The following AHI1 variants were observed in gnomAD, a reference collection of about 807,000 sequenced individuals.
The protein encoded by AHI1 is jouberin.
In AHI1, 123 loss-of-function variants were observed where a neutral mutation model predicts 149.3. The observed-to-expected ratio is 0.82, with a 90% confidence interval of 0.71 to 0.96. The LOEUF is 0.96. AHI1 is among the 40% of genes least tolerant of loss of function. AHI1 has a pLI of 0.00. For synonymous variants in AHI1, 475 were observed against 459.8 expected (o/e 1.03, Z -0.42); for missense variants, 1,439 against 1,422.7 (o/e 1.01, Z -0.18).
intron 5 of AHI1, among the ~76,000 whole-genome samples, chr6:135,478,041 T>C (rs890249294): frequency 5.3e-5 from 8 of 152,152 alleles, no homozygotes; most frequent in African/African-American, 1.7e-4. Context: ...CCTCAGGTGA[T>C]CTGCCCACCT....
chr6:135,434,895 G>A (rs56390943), intron 15 of AHI1, among the ~76,000 whole-genome samples: 7,484 of 152,168 alleles, frequency 0.049, 536 homozygotes, highest in African/African-American at 0.16. Flanking sequence ...CTCTCTGACT[G>A]TATTAGAAGT....
intron 23 of AHI1, among the ~76,000 whole-genome samples, chr6:135,382,895 A>G (rs1341307004): frequency 3.9e-5 from 1 of 25,524 alleles, no homozygotes; most frequent in Non-Finnish European, 6.7e-5. Context: ...CAAAATTAGT[A>G]AAAAAAAAAA....
intron 26 of AHI1, among the ~76,000 whole-genome samples, chr6:135,307,561 A>C (rs1784662514): frequency 6.6e-6 from 1 of 152,056 alleles, no homozygotes; most frequent in Admixed American, 6.5e-5. Context: ...TACAGCTCAT[A>C]TACAACTACT....
At position 135,404,936 on chromosome 6, in the gene AHI1, A is replaced by G; in HGVS notation, c.2988+15T>C. 3 of 1,606,988 alleles carry G rather than the reference A, an allele frequency of 1.9e-6. No individual in the cohort carries two copies. Among genetic ancestry groups the G allele is most frequent in the Non-Finnish European group, 2.6e-6 (3 of 1,174,124 alleles). On this transcript the variant is annotated intron_variant, in intron 22 of 28. Coordinates refer to ENST00000265602, the MANE Select transcript of AHI1 (RefSeq NM_001134831.2). ...TACCTTTGAAGTTATCTTCCTGGTA[A>G]TAAAAACTACTTACTTTTGCAGCAC...
chr6:135,490,650 T>C lies in AHI1; in HGVS notation c.108A>G (p.Lys36=), dbSNP rs755465958. The change falls in exon 5 of 29, where the codon AAA becomes AAG. Residue 36 remains lysine, a synonymous_variant. Coordinates refer to ENST00000265602, the MANE Select transcript of AHI1 (RefSeq NM_001134831.2). ...AGATGTTTTCTTCAGACCTGACAAG[T>C]TTTTTCTTCAGTTTTTTCTTTTCAC... ...LMREKKKLKK[K]LVRSEENISP... is the part of the protein sequence containing the mutation. 3.7e-6 allele frequency: 6 copies of C among 1,613,510 alleles called. No individual in the cohort carries two copies. In the Admixed American group the frequency reaches 6.7e-5, roughly 18 times the overall value.
In AHI1 at chr6:135,492,191, A is replaced by G. The variant is rs577983031; in HGVS notation, c.10+37T>C. ...CCAAACTTAAAAGTAAATGTATAAA[A>G]TATAAATTTTATACATAAATTTCAT... On this transcript the variant is annotated intron_variant, in intron 4 of 28. Coordinates refer to ENST00000265602, the MANE Select transcript of AHI1 (RefSeq NM_001134831.2). The G allele has an allele frequency of 2.4e-4, 353 of 1,447,096 alleles. 4 individuals are homozygous for G. The South Asian group carries it at 4.7e-3, about 19-fold the overall frequency. 89.6% of individuals were successfully genotyped at this position (1,447,096 alleles called of 1,614,324 possible). A position where few individuals can be genotyped will look rare whatever the true frequency, so the allele number is the denominator to read the frequency against.
At chr6:135,472,729 A>G (rs1257499786) in intron 5 of AHI1, among the ~76,000 whole-genome samples, 1 of 152,068 alleles carries the variant, frequency 6.6e-6, no homozygotes, top group Non-Finnish European at 1.5e-5. Flanking sequence ...TTTAAACTGC[A>G]TTTTCCTAAT....
At chr6:135,495,292 A>C (rs1354954408) in intron 3 of AHI1, 1 of 152,180 alleles carries the variant, frequency 6.6e-6, no homozygotes, top group Non-Finnish European at 1.5e-5. Flanking sequence ...TCGCACATTG[A>C]AAAAAATATC....
intron 23 of AHI1, among the ~76,000 whole-genome samples, chr6:135,369,945 T>A (rs1451179100): frequency 6.6e-6 from 1 of 152,214 alleles, no homozygotes; most frequent in African/African-American, 2.4e-5. Context: ...TCCTCATAAG[T>A]TATTTAACAT....
intron 11 of AHI1, among the ~76,000 whole-genome samples, chr6:135,448,957 AT>A (rs530474490): frequency 6.6e-6 from 1 of 152,120 alleles, no homozygotes; most frequent in Non-Finnish European, 1.5e-5. Context: ...CATTCGTTAC[AT>A]TTTTTTCAGT....
intron 23 of AHI1, among the ~76,000 whole-genome samples, chr6:135,389,743 A>ATC (rs774115658): frequency 1.3e-5 from 2 of 152,234 alleles, no homozygotes; most frequent in Non-Finnish European, 2.9e-5. Flanking sequence ...ATGCTGTGAA[A>ATC]ATATATACAA....
chr6:135,447,010 GC>G lies in AHI1; in HGVS notation c.1776del (p.Gln593ArgfsTer13), dbSNP rs745386846. 6.2e-7 allele frequency: 1 copy of G among 1,608,942 alleles called. No homozygotes were observed. The highest frequency in any genetic ancestry group is 2.2e-5 in the East Asian group (1 of 44,678). On this transcript the variant is annotated frameshift_variant, in exon 13 of 29. Transcript: ENST00000265602. LOFTEE classifies it high-confidence loss of function. ...KEVIKWKRLP[G>X]QACRIPNKHL... is the part of the protein sequence containing the mutation. ...TCCACTATTATCAAACACTTCACCT[GC>G]CCAGGGAGTCGTTTCCACTTTATTA... is the stretch of plus-strand genomic sequence containing the variant.
intron 5 of AHI1, among the ~76,000 whole-genome samples, chr6:135,470,646 C>T (rs375283255): frequency 3.9e-5 from 6 of 151,950 alleles, no homozygotes; most frequent in Admixed American, 1.3e-4. Flanking sequence ...TAAAAAGGAA[C>T]GAGATCATGT....
In AHI1 at chr6:135,394,782, G is replaced by A. The variant is rs1401580475; in HGVS notation, c.3103C>T (p.Gln1035Ter). ...AAGTAAGAAAGGGGCTCACCGGTCT[G>A]AGTGAAACCAAACTGATGTAGAATC... Reference protein sequence around the residue: ...QEILHQFGFTQTGIISIERKP... With the variant: ...QEILHQFGFT The change falls in exon 23 of 29, where the codon CAG becomes TAG. Residue 1035 changes from glutamine to a stop codon, truncating the protein, a stop_gained. Coordinates refer to ENST00000265602, the MANE Select transcript of AHI1 (RefSeq NM_001134831.2). LOFTEE classifies it high-confidence loss of function. 1 of 1,610,286 alleles carries A rather than the reference G, an allele frequency of 6.2e-7. No homozygotes were observed. Among genetic ancestry groups the A allele is most frequent in the Non-Finnish European group, 8.5e-7 (1 of 1,177,908 alleles).
rs138824751 is a variant in AHI1 at position 135,367,576 on chromosome 6, G to A, written c.3110-9389C>T. On this transcript the variant is annotated intron_variant, in intron 23 of 28. Transcript: ENST00000265602. ...AAAAAATTTTTTCTTTGTCTTTGTC[G>A]GCTTGGGTCAATTAGAAAGCCTTGT... Among the ~76,000 whole-genome samples the A allele has an allele frequency of 3.5e-3, 526 of 151,996 alleles. 1 individual carries two copies. The highest frequency in any genetic ancestry group is 0.012 in the African/African-American group (507 of 41,448).
intron 24 of AHI1, among the ~76,000 whole-genome samples, chr6:135,332,746 A>T (rs1282388511): frequency 2.0e-5 from 3 of 152,230 alleles, no homozygotes; most frequent in African/African-American, 7.2e-5. Flanking sequence ...TTAACCAGTT[A>T]TTCTTCTGTT....
intron 23 of AHI1, among the ~76,000 whole-genome samples, chr6:135,386,310 G>GTT (rs1325394640): frequency 2.1e-5 from 3 of 144,036 alleles, no homozygotes; most frequent in Admixed American, 6.9e-5. Flanking sequence ...AAAGTGTTTT[G>GTT]TTTTTTTTTT....
At chr6:135,447,598 C>T (rs1439720824) in intron 12 of AHI1, among the ~76,000 whole-genome samples, 1 of 152,118 alleles carries the variant, frequency 6.6e-6, no homozygotes, top group Non-Finnish European at 1.5e-5. Context: ...CAAATCAGCC[C>T]TGTGGTGACA....
intron 24 of AHI1, among the ~76,000 whole-genome samples, chr6:135,328,964 A>T (rs112837920): frequency 6.6e-6 from 1 of 152,128 alleles, no homozygotes; most frequent in African/African-American, 2.4e-5. Flanking sequence ...TTAAGCCAAA[A>T]TCCAATTCAG....
Sources: gnomAD v4.1 joint callset for allele counts (sites outside exome capture counted in the v4.1 genomes callset) on GRCh38, gnomAD v4.1.1 for gene constraint, MANE v1.5 for transcripts, NCBI Gene and HGNC (gene_info 2026-07-23, HGNC 2026-07-21) for gene names.